Variants in PTBP2 observed in about 807,000 individuals in gnomAD.
PTBP2 encodes polypyrimidine tract-binding protein 2.
In PTBP2, 13 loss-of-function variants were observed where a neutral mutation model predicts 61.4. The ratio of observed to expected loss-of-function variants is 0.21; its 90% confidence interval spans 0.14 to 0.34. The LOEUF is 0.34. Ranked by LOEUF, PTBP2 falls within the 10% of genes least tolerant of loss-of-function variation. The pLI is 1.00. For missense variants in PTBP2, 405 were observed against 642.6 expected (o/e 0.63, Z 4.00); for synonymous variants, 215 against 218.5 (o/e 0.98, Z 0.14).
intron 2 of PTBP2, among the ~76,000 whole-genome samples, chr1:96,738,949 T>C (rs904048045): frequency 6.6e-6 from 1 of 152,200 alleles, no homozygotes; most frequent in African/African-American, 2.4e-5. Flanking sequence ...AAATAACAAC[T>C]GTTCAGTGAT....
At chr1:96,763,446 CG>C (rs1488520203) in intron 3 of PTBP2, among the ~76,000 whole-genome samples, 3 of 151,418 alleles carry the variant, frequency 2.0e-5, no homozygotes, top group Non-Finnish European at 4.4e-5. Context: ...GGCGTGGCGG[CG>C]CGTGCCTGCA....
chr1:96,818,475 C>G (rs967356420), downstream of PTBP2: 1 of 152,008 alleles, frequency 6.6e-6, no homozygotes, highest in South Asian at 2.1e-4. Flanking sequence ...TCTCTAATAT[C>G]TAGACTAGCC....
chr1:96,771,368 A>G (rs1307933915), intron 5 of PTBP2: 4 of 152,356 alleles, frequency 2.6e-5, no homozygotes, highest in African/African-American at 9.7e-5. Context: ...TTTCCGACCT[A>G]CATTATAAGA....
intron 3 of PTBP2, among the ~76,000 whole-genome samples, chr1:96,762,881 C>T (rs1388094135): frequency 2.2e-4 from 33 of 151,318 alleles, no homozygotes; most frequent in East Asian, 6.0e-4. Context: ...CGGGCCGAGA[C>T]GCTCCTCACC....
chr1:96,808,687 C>G (rs1257356668), intron 11 of PTBP2, among the ~76,000 whole-genome samples: 1 of 152,090 alleles, frequency 6.6e-6, no homozygotes, highest in African/African-American at 2.4e-5. Context: ...AATTTTTGGA[C>G]TATCTGTAGT....
rs974459570 is a variant in PTBP2, at chr1:96,795,714, G to C, written c.905-9086G>C. Among the ~76,000 whole-genome samples the C allele has an allele frequency of 2.6e-5, 4 of 152,288 alleles. No homozygotes were observed. The South Asian group carries it at 8.3e-4, about 32-fold the overall frequency. Reference sequence around the variant, plus strand: ...GGAATTAAGGATATAAACGTGATAAGAAAGTATGCACTGTACTCTTTGAGG... The same window carrying C: ...GGAATTAAGGATATAAACGTGATAACAAAGTATGCACTGTACTCTTTGAGG... On this transcript the variant is annotated intron_variant, in intron 8 of 13. Coordinates refer to ENST00000674951, the MANE Select transcript of PTBP2 (RefSeq NM_021190.4).
At chr1:96,770,088 T>C (rs1253056623) in intron 4 of PTBP2, among the ~76,000 whole-genome samples, 1 of 152,054 alleles carries the variant, frequency 6.6e-6, no homozygotes, top group African/African-American at 2.4e-5. Flanking sequence ...TGAATTGACT[T>C]TAGGGCTCTA....
At chr1:96,745,607 TATA>T (rs1653648574) in intron 2 of PTBP2, among the ~76,000 whole-genome samples, 1 of 152,182 alleles carries the variant, frequency 6.6e-6, no homozygotes, top group Admixed American at 6.5e-5. Context: ...GGTATGCCTA[TATA>T]ATGTTTTCCA....
At chr1:96,819,635 T>A (rs537203649), downstream of PTBP2, 1 of 151,028 alleles carries the variant, frequency 6.6e-6, no homozygotes, top group African/African-American at 2.4e-5. Flanking sequence ...TCAGGTGTTA[T>A]GCTATTTTTA....
At chr1:96,760,681 G>T (rs1655727697) in intron 3 of PTBP2, among the ~76,000 whole-genome samples, 1 of 152,046 alleles carries the variant, frequency 6.6e-6, no homozygotes, top group Non-Finnish European at 1.5e-5. Context: ...TCTTGACGTT[G>T]TGATCTGCCC....
At chr1:96,787,991 GTGATATTAAC>G (rs1659392397) in intron 8 of PTBP2, among the ~76,000 whole-genome samples, 1 of 152,062 alleles carries the variant, frequency 6.6e-6, no homozygotes, top group South Asian at 2.1e-4. Context: ...TCATCTAAAG[GTGATATTAAC>G]TTAAACTAAC....
intron 3 of PTBP2, among the ~76,000 whole-genome samples, chr1:96,757,772 C>T (rs1050752221): frequency 6.6e-6 from 1 of 152,046 alleles, no homozygotes; most frequent in East Asian, 1.9e-4. Flanking sequence ...CAAAAATAGA[C>T]ATCTAGGAAA....
chr1:96,745,656 A>C (rs1451592678), intron 2 of PTBP2, among the ~76,000 whole-genome samples: 1 of 152,144 alleles, frequency 6.6e-6, no homozygotes, highest in African/African-American at 2.4e-5. Flanking sequence ...ATTCTAATAA[A>C]TAGCCGTATT....
At chr1:96,749,893 T>TA (rs1557706800) in intron 2 of PTBP2, among the ~76,000 whole-genome samples, 1 of 152,136 alleles carries the variant, frequency 6.6e-6, no homozygotes, top group Non-Finnish European at 1.5e-5. Context: ...TAAGTACTGT[T>TA]ACCTAACTGA....
intron 2 of PTBP2, among the ~76,000 whole-genome samples, chr1:96,741,177 A>C (rs1007037779): frequency 1.3e-5 from 2 of 151,982 alleles, no homozygotes; most frequent in Non-Finnish European, 2.9e-5. Flanking sequence ...AAAAAAAAAA[A>C]ACATTGATTC....
At position 96,814,586 on chromosome 1, in the gene PTBP2, GTTC is replaced by G. The variant is rs1662365032; in HGVS notation, c.*1184_*1186del. ...TCTACAGGTCAAATTAATTTGAACA[GTTC>G]TTGTCAATCCGAATTGTTGATTCTG... On this transcript the variant is annotated 3_prime_UTR_variant, in exon 14 of 14. Coordinates refer to ENST00000674951, the MANE Select transcript of PTBP2 (RefSeq NM_021190.4). The G allele has an allele frequency of 6.6e-6, 1 of 152,484 alleles. No individual in the cohort carries two copies. The highest frequency in any genetic ancestry group is 1.5e-5 in the Non-Finnish European group (1 of 67,966). The allele number at this position is 152,484 out of a possible 1,614,324, so 9.4% of individuals were successfully genotyped here. A position where few individuals can be genotyped will look rare whatever the true frequency, so the allele number is the denominator to read the frequency against.
chr1:96,758,297 A>G (rs918221530), intron 3 of PTBP2, among the ~76,000 whole-genome samples: 3 of 152,152 alleles, frequency 2.0e-5, no homozygotes, highest in African/African-American at 4.8e-5. Context: ...CTTTCCACAA[A>G]GATTACTCTA....
intron 5 of PTBP2, among the ~76,000 whole-genome samples, chr1:96,772,712 T>C (rs1406837423): frequency 6.6e-6 from 1 of 152,224 alleles, no homozygotes; most frequent in Non-Finnish European, 1.5e-5. Context: ...GCACACACAG[T>C]GTCCTCTTAA....
intron 11 of PTBP2, among the ~76,000 whole-genome samples, chr1:96,809,432 A>T (rs951258493): frequency 1.3e-5 from 2 of 152,220 alleles, no homozygotes. Context: ...AGTAAGTTAG[A>T]ATTAATAACA....
Sources: allele counts gnomAD v4.1 joint callset (sites outside exome capture counted in the v4.1 genomes callset), GRCh38; gene constraint gnomAD v4.1.1; transcripts MANE v1.5; gene names NCBI Gene and HGNC (gene_info 2026-07-23, HGNC 2026-07-21).